PDE1C: variants seen among roughly 807,000 people sequenced by gnomAD.
PDE1C encodes the protein dual specificity calcium/calmodulin-dependent 3',5'-cyclic nucleotide phosphodiesterase 1C.
A neutral mutation model predicts 93.1 loss-of-function variants in PDE1C; 62 were observed. The ratio of observed to expected loss-of-function variants is 0.67; its 90% CI spans 0.54 to 0.82. The LOEUF (loss-of-function observed/expected upper bound fraction) is 0.82. Among genes scored for constraint, PDE1C ranks in the 40% least tolerant of loss-of-function variants. The pLI is 0.00. For missense variants in PDE1C, 742 were observed against 884.6 expected (o/e 0.84, Z 2.04); for synonymous variants, 325 against 310.1 (o/e 1.05, Z -0.50).
intron 1 of PDE1C, among the ~76,000 whole-genome samples, chr7:32,063,157 A>C (rs554080935): frequency 6.6e-6 from 1 of 152,370 alleles, no homozygotes; most frequent in South Asian, 2.1e-4. Flanking sequence ...GCTAGTGGGA[A>C]ACTCCGATGA....
chr7:31,625,595 G>A, the PDE1C span, among the ~76,000 whole-genome samples: 1 of 152,156 alleles, frequency 6.6e-6, no homozygotes, highest in Non-Finnish European at 1.5e-5. Flanking sequence ...ACACAGGAGA[G>A]GGAACATCAC....
chr7:31,669,193 A>T, the PDE1C span, among the ~76,000 whole-genome samples: 2 of 152,204 alleles, frequency 1.3e-5, no homozygotes, highest in Non-Finnish European at 2.9e-5. Flanking sequence ...ACCAGCCAGT[A>T]GCCATTGTAG....
At chr7:31,825,197 A>G (rs1189983873) in intron 12 of PDE1C, among the ~76,000 whole-genome samples, 3 of 152,192 alleles carry the variant, frequency 2.0e-5, no homozygotes, top group Admixed American at 6.5e-5. Flanking sequence ...ACAGTTCAAT[A>G]AAGTGCCTAA....
At chr7:32,325,607 T>C (rs1256323734) in intron 1 of PDE1C, among the ~76,000 whole-genome samples, 1 of 152,234 alleles carries the variant, frequency 6.6e-6, no homozygotes, top group South Asian at 2.1e-4. Context: ...GGACTTTTTA[T>C]CTAATTTGCC....
At position 32,272,370 on chromosome 7, in the gene PDE1C, T is replaced by A. The variant is rs930726730; in HGVS notation, c.85+26281A>T. ...CCAGACTAGATCATGTACATATATATCCATTTGTCCCACAAGGGAATTTCA... is the reference window on the plus strand; with the variant it reads ...CCAGACTAGATCATGTACATATATAACCATTTGTCCCACAAGGGAATTTCA... On this transcript the variant is annotated intron_variant, in intron 1 of 18. Coordinates refer to the PDE1C transcript ENST00000396193. Among the ~76,000 whole-genome samples, 22 of 152,298 alleles carry A rather than the reference T, an allele frequency of 1.4e-4. 1 individual carries two copies. Among genetic ancestry groups the A allele is most frequent in the Admixed American group, 1.4e-3 (21 of 15,310 alleles).
At chr7:32,169,479 T>C (rs1584894532) in intron 3 of PDE1C, among the ~76,000 whole-genome samples, 3 of 152,316 alleles carry the variant, frequency 2.0e-5, no homozygotes, top group East Asian at 1.9e-4. Context: ...CATCCTCCTT[T>C]GAAGCAAAAG....
chr7:31,641,231 C>G, the PDE1C span, among the ~76,000 whole-genome samples: 7 of 152,298 alleles, frequency 4.6e-5, no homozygotes, highest in African/African-American at 1.7e-4. Flanking sequence ...AGCAGTTGTT[C>G]AAGCAAAGGC....
At chr7:31,659,450 G>A in the PDE1C span, among the ~76,000 whole-genome samples, 1 of 152,170 alleles carries the variant, frequency 6.6e-6, no homozygotes, top group East Asian at 1.9e-4. Flanking sequence ...GTTCCACACA[G>A]CCCCAAACTC....
chr7:32,400,824 A>G (rs968250565), intron 1 of PDE1C, among the ~76,000 whole-genome samples: 1 of 152,262 alleles, frequency 6.6e-6, no homozygotes, highest in Non-Finnish European at 1.5e-5. Context: ...GCCACAATAC[A>G]GAAGGTTCCC....
intron 1 of PDE1C, among the ~76,000 whole-genome samples, chr7:32,240,842 C>T (rs1352587719): frequency 6.6e-6 from 1 of 152,094 alleles, no homozygotes; most frequent in African/African-American, 2.4e-5. Flanking sequence ...GAGGCTAATA[C>T]AAGATTCAGT....
chr7:31,921,107 T>C (rs1802568465), intron 2 of PDE1C, among the ~76,000 whole-genome samples: 1 of 152,244 alleles, frequency 6.6e-6, no homozygotes, highest in African/African-American at 2.4e-5. Context: ...ATCTGGCACC[T>C]ACTCTAACCC....
intron 1 of PDE1C, among the ~76,000 whole-genome samples, chr7:32,370,850 A>G (rs1355939406): frequency 6.6e-6 from 1 of 152,134 alleles, no homozygotes; most frequent in Non-Finnish European, 1.5e-5. Context: ...TGAATGGATA[A>G]AGAAAATGTG....
chr7:32,123,427 C>A (rs1314658834), intron 3 of PDE1C, among the ~76,000 whole-genome samples: 2 of 152,080 alleles, frequency 1.3e-5, no homozygotes, highest in African/African-American at 4.8e-5. Flanking sequence ...AACTTCAGAC[C>A]AATATCCCTG....
intron 17 of PDE1C, among the ~76,000 whole-genome samples, chr7:31,758,965 G>A (rs998145240): frequency 6.6e-6 from 1 of 152,142 alleles, no homozygotes; most frequent in African/African-American, 2.4e-5. Flanking sequence ...CCACTTCTCA[G>A]CATGAAGAAA....
intron 1 of PDE1C, among the ~76,000 whole-genome samples, chr7:32,412,427 G>A (rs1785189084): frequency 6.8e-6 from 1 of 147,660 alleles, no homozygotes; most frequent in Non-Finnish European, 1.5e-5. Flanking sequence ...CTGCACTACA[G>A]TCTAGGTGAC....
chr7:32,307,591 T>C (rs966462767), intron 1 of PDE1C, among the ~76,000 whole-genome samples: 1 of 147,622 alleles, frequency 6.8e-6, no homozygotes, highest in Admixed American at 6.7e-5. Flanking sequence ...ACTTACTAGA[T>C]GGAGACATGG....
chr7:31,677,271 G>A, the PDE1C span, among the ~76,000 whole-genome samples: 2 of 152,032 alleles, frequency 1.3e-5, no homozygotes, highest in South Asian at 2.1e-4. Flanking sequence ...CTATTCCAAA[G>A]CACAGAAAAG....
chr7:32,032,745 CA>C (rs1025190222), intron 2 of PDE1C, among the ~76,000 whole-genome samples: 1 of 152,114 alleles, frequency 6.6e-6, no homozygotes, highest in Non-Finnish European at 1.5e-5. Context: ...CCTCCCTCCC[CA>C]AAGAATGGCC....
At chr7:32,212,709 C>G (rs1806136970) in intron 1 of PDE1C, among the ~76,000 whole-genome samples, 1 of 152,124 alleles carries the variant, frequency 6.6e-6, no homozygotes, top group African/African-American at 2.4e-5. Context: ...CTGGCCAACT[C>G]CTTACTCATC....
Sources: allele counts gnomAD v4.1 joint callset (sites outside exome capture counted in the v4.1 genomes callset), GRCh38; gene constraint gnomAD v4.1.1; transcripts MANE v1.5; gene names NCBI Gene and HGNC (gene_info 2026-07-23, HGNC 2026-07-21).